CNBD1: variants seen among roughly 807,000 people sequenced by gnomAD.
CNBD1 encodes cyclic nucleotide binding domain containing 1, also known as cyclic nucleotide-binding domain-containing protein 1.
CNBD1 carries 71 observed loss-of-function variants against 54.4 expected under a neutral mutation model. That is an observed-to-expected ratio of 1.30 (90% confidence interval 1.08 to 1.59). The LOEUF (loss-of-function observed/expected upper bound fraction) is 1.59. Among genes scored for constraint, CNBD1 ranks in the 40% most tolerant of loss-of-function variants. The pLI, the probability that CNBD1 is intolerant of heterozygous loss-of-function variation, is 0.00. For synonymous variants in CNBD1, 182 were observed against 170.7 expected (o/e 1.07, Z -0.51); for missense variants, 659 against 518.0 (o/e 1.27, Z -2.64).
chr8:86,996,664 G>A (rs1808877478), intron 4 of CNBD1, among the ~76,000 whole-genome samples: 1 of 152,184 alleles, frequency 6.6e-6, no homozygotes, highest in Admixed American at 6.5e-5. Context: ...TAGTGGGAGA[G>A]GATATTAAGC....
intron 6 of CNBD1, among the ~76,000 whole-genome samples, chr8:87,283,584 C>G (rs1192447100): frequency 2.0e-5 from 3 of 152,092 alleles, no homozygotes; most frequent in African/African-American, 7.2e-5. Context: ...ATGCTCTGTA[C>G]TCATTCAAGT....
intron 5 of CNBD1, among the ~76,000 whole-genome samples, chr8:87,231,344 C>T (rs1814685803): frequency 6.6e-6 from 1 of 151,936 alleles, no homozygotes; most frequent in Admixed American, 6.6e-5. Flanking sequence ...AAGAATGAGA[C>T]AGAGAGGGGA....
rs538866703 is a variant in CNBD1 at position 87,293,069 on chromosome 8, G to T, written c.1042+6398G>T. Among the ~76,000 whole-genome samples the T allele has an allele frequency of 8.5e-4, 129 of 152,174 alleles. 1 individual carries two copies. Among genetic ancestry groups the T allele is most frequent in the African/African-American group, 3.1e-3 (127 of 41,500 alleles). ...CTAGGAACAAAGGGCTGCGCACTGG[G>T]TGTTCATTCTACCAATGGTCTCCTT... On this transcript the variant is annotated intron_variant, in intron 8 of 10. Coordinates refer to ENST00000518476, the MANE Select transcript of CNBD1 (RefSeq NM_173538.3).
chr8:87,228,982 G>A (rs189646095), intron 5 of CNBD1, among the ~76,000 whole-genome samples: 37 of 152,260 alleles, frequency 2.4e-4, no homozygotes, highest in African/African-American at 3.4e-4. Flanking sequence ...CGCGGTATTC[G>A]GGTGGGAGTG....
intron 4 of CNBD1, among the ~76,000 whole-genome samples, chr8:87,108,268 C>A (rs755201610): frequency 6.6e-6 from 1 of 151,894 alleles, no homozygotes; most frequent in Non-Finnish European, 1.5e-5. Context: ...AAAGTGAAAT[C>A]GTAATACTAC....
chr8:87,426,979 T>C (rs1808062095), intron 2 of CNBD1, among the ~76,000 whole-genome samples: 1 of 152,216 alleles, frequency 6.6e-6, no homozygotes, highest in African/African-American at 2.4e-5. Flanking sequence ...TGTTAGCTTC[T>C]TGAATAAAAT....
intron 4 of CNBD1, among the ~76,000 whole-genome samples, chr8:86,999,540 TA>T (rs35631389): frequency 0.056 from 7,815 of 140,180 alleles, 539 homozygotes; most frequent in African/African-American, 0.17. Context: ...CTGTGGTATT[TA>T]AAAAAAAAAA....
intron 5 of CNBD1, among the ~76,000 whole-genome samples, chr8:87,219,610 T>C (rs1183757406): frequency 1.3e-5 from 2 of 152,048 alleles, no homozygotes; most frequent in East Asian, 1.9e-4. Flanking sequence ...GATCAGCAAG[T>C]GATAAAATAC....
intron 4 of CNBD1, among the ~76,000 whole-genome samples, chr8:87,186,037 T>C (rs911512715): frequency 6.6e-6 from 1 of 152,154 alleles, no homozygotes; most frequent in African/African-American, 2.4e-5. Flanking sequence ...GTTCAATATC[T>C]GCAAAACAAT....
intron 4 of CNBD1, among the ~76,000 whole-genome samples, chr8:86,989,690 A>G (rs532027717): frequency 5.3e-5 from 8 of 152,214 alleles, no homozygotes; most frequent in East Asian, 1.9e-4. Context: ...AGCTCAGGCA[A>G]TCCACCCACC....
At chr8:86,992,791 G>T (rs1474939923) in intron 4 of CNBD1, among the ~76,000 whole-genome samples, 2 of 152,094 alleles carry the variant, frequency 1.3e-5, no homozygotes, top group Admixed American at 6.5e-5. Context: ...TGAAAATAGG[G>T]TCACAATTTC....
intron 4 of CNBD1, among the ~76,000 whole-genome samples, chr8:86,984,961 G>A (rs1808573414): frequency 6.6e-6 from 1 of 152,026 alleles, no homozygotes; most frequent in South Asian, 2.1e-4. Flanking sequence ...GAGGGGTCGG[G>A]GTGGAATGAC....
intron 4 of CNBD1, among the ~76,000 whole-genome samples, chr8:87,087,100 T>G (rs1248315236): frequency 6.6e-6 from 1 of 150,830 alleles, no homozygotes. Context: ...CAGGACTCTT[T>G]CCTGGAAGTG....
intron 4 of CNBD1, among the ~76,000 whole-genome samples, chr8:86,965,711 T>TA (rs903083159): frequency 6.6e-6 from 1 of 152,186 alleles, no homozygotes; most frequent in Admixed American, 6.5e-5. Context: ...TGGCTTTGCC[T>TA]GACTTCTTGT....
intron 8 of CNBD1, among the ~76,000 whole-genome samples, chr8:87,294,151 G>T (rs1585989216): frequency 6.6e-6 from 1 of 152,102 alleles, no homozygotes. Flanking sequence ...AGTCTATTTT[G>T]GTAGTACCAG....
At chr8:87,181,080 C>T (rs1347132115) in intron 4 of CNBD1, among the ~76,000 whole-genome samples, 1 of 152,150 alleles carries the variant, frequency 6.6e-6, no homozygotes, top group Non-Finnish European at 1.5e-5. Flanking sequence ...CAACTGATAA[C>T]GTCCTCCCTT....
chr8:87,390,408 A>T (rs984412111), intron 2 of CNBD1, among the ~76,000 whole-genome samples: 1 of 151,802 alleles, frequency 6.6e-6, no homozygotes, highest in South Asian at 2.1e-4. Context: ...ACAAGAAAAA[A>T]CCCCATCAAA....
intron 10 of CNBD1, among the ~76,000 whole-genome samples, chr8:87,359,130 G>C (rs1363659210): frequency 6.6e-6 from 1 of 152,130 alleles, no homozygotes; most frequent in Admixed American, 6.6e-5. Context: ...GTTTCTTTTA[G>C]TCACTTAATA....
At chr8:87,424,192 GTCTA>G (rs1392637814) in intron 2 of CNBD1, among the ~76,000 whole-genome samples, 18 of 151,996 alleles carry the variant, frequency 1.2e-4, no homozygotes, top group African/African-American at 1.7e-4. Flanking sequence ...CTTGCTAGCG[GTCTA>G]TCTATTTTGT....
Sources: allele counts gnomAD v4.1 joint callset (sites outside exome capture counted in the v4.1 genomes callset), GRCh38; gene constraint gnomAD v4.1.1; transcripts MANE v1.5; gene names NCBI Gene and HGNC (gene_info 2026-07-23, HGNC 2026-07-21).